The following AHNAK variants were observed in gnomAD, a reference collection of about 807,000 sequenced individuals.
AHNAK encodes neuroblast differentiation-associated protein AHNAK.
AHNAK carries 23 observed loss-of-function variants against 37.8 expected under a neutral mutation model. The ratio of observed to expected loss-of-function variants is 0.61; its 90% CI spans 0.44 to 0.86. The LOEUF is 0.86. Among genes scored for constraint, AHNAK ranks in the 40% least tolerant of loss-of-function variants. The pLI, the probability that AHNAK is intolerant of heterozygous loss-of-function variation, is 0.00. For missense variants in AHNAK, 7,411 were observed against 7,319.4 expected, an observed-to-expected ratio of 1.01 and a Z score of -0.46; for synonymous variants, 2,481 against 2,636.3, an observed-to-expected ratio of 0.94 and a Z score of 1.80.
At chr11:62,510,966 T>C (rs925034733), downstream of AHNAK, among the ~76,000 whole-genome samples, 4 of 152,088 alleles carry the variant, frequency 2.6e-5, no homozygotes, top group African/African-American at 9.7e-5. Flanking sequence ...ATCTCCCACA[T>C]AATGTTTTTT....
rs1411390191 is a variant in AHNAK at position 62,526,118 on chromosome 11, G to C, written c.8299C>G (p.Pro2767Ala). 4 of 1,613,250 alleles carry C rather than the reference G, an allele frequency of 2.5e-6. No homozygotes were observed. In the African/African-American group the frequency reaches 5.4e-5, roughly 22 times the overall value. ...CTGATCTTGGGCATTTTTATCTTGG[G>C]CATCTTTAGGTGCCAGTCTGGGCCA... ...VHGPDWHLKM[P>A]KIKMPKISMP... Residue 2767 changes from proline (P) to alanine (A), a missense_variant, in exon 5 of 5, where the codon CCC becomes GCC. Physicochemically the swap from Pro to Ala is conservative, Grantham distance 27. Coordinates refer to ENST00000378024, the MANE Select transcript of AHNAK (RefSeq NM_001620.3).
intron 4 of AHNAK, among the ~76,000 whole-genome samples, chr11:62,501,596 C>T (rs1411551993): frequency 1.3e-5 from 2 of 152,186 alleles, no homozygotes; most frequent in African/African-American, 4.8e-5. Context: ...CTTTGTCAAA[C>T]CCTGAGAGAA....
chr11:62,518,404 A>ATTT lies in AHNAK; in HGVS notation c.16010_16012dup (p.Lys5337dup). On this transcript the variant is annotated inframe_insertion, in exon 5 of 5. Coordinates refer to ENST00000378024, the MANE Select transcript of AHNAK (RefSeq NM_001620.3). ...TTTCACACCGTCTCCTCCCACCTGC[A>ATTT]TTTTGCCACCGACACCACTGAGGTT... The ATTT allele has an allele frequency of 6.2e-7, 1 of 1,613,952 alleles. No individual in the cohort carries two copies. Among genetic ancestry groups the ATTT allele is most frequent in the Non-Finnish European group, 8.5e-7 (1 of 1,179,982 alleles).
chr11:62,519,338 T>C lies in AHNAK; in HGVS notation c.15079A>G (p.Lys5027Glu), dbSNP rs770152221. 5.0e-6 allele frequency: 8 copies of C among 1,614,154 alleles called. No homozygotes were observed. In the South Asian group the frequency reaches 7.7e-5, roughly 16 times the overall value. ...ATCTTAGGACCACTCATATGAATTT[T>C]AGGCATTTTAAACTTACTTTTCTTG... ...KGKKSKFKMP[K>E]IHMSGPKIKA... Residue 5027 changes from lysine (K) to glutamate (E), a missense_variant, in exon 5 of 5, where the codon AAA becomes GAA. Transcript: ENST00000378024.
At chr11:62,512,832 G>A (rs1188508297), downstream of AHNAK, among the ~76,000 whole-genome samples, 1 of 142,854 alleles carries the variant, frequency 7.0e-6, no homozygotes, top group Admixed American at 7.0e-5. The surrounding 1 kb of genome is among the most constrained non-coding windows in gnomAD (Gnocchi z 4.0). Flanking sequence ...CTCCAGCCTG[G>A]GTGACAGAGC....
chr11:62,518,925 C>T lies in AHNAK; in HGVS notation c.15492G>A (p.Val5164=). Residue 5164 remains valine (V), a synonymous_variant, in exon 5 of 5, where the codon GTG becomes GTA. Coordinates refer to ENST00000378024, the MANE Select transcript of AHNAK (RefSeq NM_001620.3). ...KIEGDLKGPK[V]QANLGAPDIN... ...TGTCAGGTGCACCCAAGTTTGCCTG[C>T]ACTTTGGGGCCTTTCAGGTCACCCT... 1 of 1,614,188 alleles carries T rather than the reference C, an allele frequency of 6.2e-7. No homozygotes were observed. Among genetic ancestry groups the T allele is most frequent in the Non-Finnish European group, 8.5e-7 (1 of 1,180,018 alleles).
At chr11:62,499,771 TAGG>T (rs1404205039) in intron 4 of AHNAK, among the ~76,000 whole-genome samples, 1 of 152,102 alleles carries the variant, frequency 6.6e-6, no homozygotes, top group African/African-American at 2.4e-5. Context: ...AGTGCAGCAG[TAGG>T]AGGACAGAGG....
Position 62,518,950 on chromosome 11 carries a change from T to A in AHNAK, c.15467A>T (p.Glu5156Val), listed in dbSNP as rs777375458. 27 of 1,614,178 alleles carry A rather than the reference T, an allele frequency of 1.7e-5. No homozygotes were observed. The highest frequency in any genetic ancestry group is 2.3e-5 in the Non-Finnish European group (27 of 1,180,024). ...PDVDISVPKI[E>V]GDLKGPKVQA... Reference sequence around the variant, plus strand: ...CACTTTGGGGCCTTTCAGGTCACCCTCTATTTTTGGCACTGAGATGTCCAC... The same window carrying A: ...CACTTTGGGGCCTTTCAGGTCACCCACTATTTTTGGCACTGAGATGTCCAC... The change falls in exon 5 of 5, where the codon GAG becomes GTG. Residue 5156 changes from glutamate to valine, a missense_variant. Glu to Val is a moderately radical substitution (Grantham distance 121). Coordinates refer to ENST00000378024, the MANE Select transcript of AHNAK (RefSeq NM_001620.3).
chr11:62,477,498 C>A, intron 5 of AHNAK, among the ~76,000 whole-genome samples: 1 of 152,122 alleles, frequency 6.6e-6, no homozygotes, highest in East Asian at 1.9e-4. Context: ...TCACATGCAC[C>A]CCCGAACCTA....
At chr11:62,507,714 G>C (rs1422814568) in intron 4 of AHNAK, among the ~76,000 whole-genome samples, 1 of 152,210 alleles carries the variant, frequency 6.6e-6, no homozygotes, top group Non-Finnish European at 1.5e-5. Flanking sequence ...CCAGGAGGCA[G>C]AGGTTGCAGT....
intron 4 of AHNAK, among the ~76,000 whole-genome samples, chr11:62,493,007 T>TTTTCC (rs1467871907): frequency 7.9e-5 from 11 of 140,046 alleles, no homozygotes; most frequent in African/African-American, 3.5e-4. Flanking sequence ...TTTTCTTTTC[T>TTTTCC]TTTCTTTTTT....
intron 5 of AHNAK, among the ~76,000 whole-genome samples, chr11:62,475,337 A>G (rs1461877663): frequency 6.6e-6 from 1 of 152,134 alleles, no homozygotes; most frequent in East Asian, 1.9e-4. Context: ...GCAGCCATCA[A>G]AATGAACAAG....
chr11:62,519,055 T>A lies in AHNAK; in HGVS notation c.15362A>T (p.Asp5121Val). 1 of 1,613,264 alleles carries A rather than the reference T, an allele frequency of 6.2e-7. No individual in the cohort carries two copies. The highest frequency in any genetic ancestry group is 8.5e-7 in the Non-Finnish European group (1 of 1,179,490). ...AATCGCTGGCAAAGAAAGTTCCAGA[T>A]CAGGTGCCTGGAGTTCACCCTCCAG... ...PKLEGELQAP[D>V]LELSLPAIHV... The change falls in exon 5 of 5, where the codon GAT (aspartate) becomes GTT (valine). Residue 5121 changes from aspartate (D) to valine (V), a missense_variant. Transcript: ENST00000378024.
At position 62,469,514 on chromosome 11, in the gene AHNAK, G is replaced by T. The variant is rs573019677; in HGVS notation, c.442+22218C>A. 2.6e-5 allele frequency among the ~76,000 whole-genome samples: 4 copies of T among 152,154 alleles called. No homozygotes were observed. The South Asian group carries it at 8.3e-4, about 32-fold the overall frequency. On this transcript the variant is annotated intron_variant, in intron 5 of 5. Transcript: ENST00000257247. Reference sequence around the variant, plus strand: ...GAGTCTCACTCCATCACCCAGGCTGGAGTGCAGTTATGCAATGTCAGCTCA... The same window carrying T: ...GAGTCTCACTCCATCACCCAGGCTGTAGTGCAGTTATGCAATGTCAGCTCA...
chr11:62,537,843 C>T (rs1197537318), intron 1 of AHNAK, among the ~76,000 whole-genome samples: 1 of 152,030 alleles, frequency 6.6e-6, no homozygotes, highest in Non-Finnish European at 1.5e-5. Flanking sequence ...CCACCATGCC[C>T]GGCTAATTTT....
At position 62,532,140 on chromosome 11, in the gene AHNAK, C is replaced by T. The variant is rs1294072485; in HGVS notation, c.2277G>A (p.Val759=). 1.2e-6 allele frequency: 2 copies of T among 1,613,850 alleles called. No individual in the cohort carries two copies. The highest frequency in any genetic ancestry group is 1.3e-5 in the African/African-American group (1 of 74,848). Residue 759 remains valine, a synonymous_variant, in exon 5 of 5, where the codon GTG becomes GTA. Transcript: ENST00000378024. ...MPKMKMPKFS[V]PGFKAEGPEV... is the part of the protein sequence containing the mutation. ...CTGGGCCCTCTGCTTTGAACCCTGG[C>T]ACACTGAATTTGGGCATTTTCATCT...
chr11:62,517,107 T>A lies in AHNAK; in HGVS notation c.17310A>T (p.Leu5770Phe). 1 of 1,613,542 alleles carries A rather than the reference T, an allele frequency of 6.2e-7. No homozygotes were observed. The highest frequency in any genetic ancestry group is 8.5e-7 in the Non-Finnish European group (1 of 1,179,902). The change falls in exon 5 of 5, where the codon TTA (leucine) becomes TTT (phenylalanine). Residue 5770 changes from leucine (L) to phenylalanine (F), a missense_variant. Physicochemically the swap from Leu to Phe is conservative, Grantham distance 22. Transcript: ENST00000378024. The stretch of plus-strand genomic sequence containing the variant: ...GGTGCCGTGGCTTCTTACTTTTAAA[T>A]AAGGAGAATTTGCCTTTCGGTGAAG... ...EASSPKGKFS[L>F]FKSKKPRHRS... is the part of the protein sequence containing the mutation.
At chr11:62,475,030 C>T (rs1401455092) in intron 5 of AHNAK, among the ~76,000 whole-genome samples, 3 of 152,256 alleles carry the variant, frequency 2.0e-5, no homozygotes, top group Middle Eastern at 6.8e-3. Context: ...GGGCCGGGCA[C>T]GGTGGCTCAC....
intron 5 of AHNAK, among the ~76,000 whole-genome samples, chr11:62,460,681 CAG>C (rs1163557047): frequency 1.4e-4 from 21 of 152,252 alleles, no homozygotes; most frequent in African/African-American, 5.1e-4. Context: ...TTTTGGAAAG[CAG>C]ACAGATAAGG....
Sources: gnomAD v4.1 joint callset for allele counts (sites outside exome capture counted in the v4.1 genomes callset) on GRCh38, gnomAD v4.1.1 for gene constraint, Gnocchi (gnomAD v3.1) non-coding constraint, MANE v1.5 for transcripts, NCBI Gene and HGNC (gene_info 2026-07-23, HGNC 2026-07-21) for gene names.